The following ZNF254 variants were observed in gnomAD, a reference collection of about 807,000 sequenced individuals.
ZNF254 encodes the protein zinc finger protein 254.
A neutral mutation model predicts 12.4 loss-of-function variants in ZNF254; 10 were observed. The ratio of observed to expected loss-of-function variants is 0.80; its 90% CI spans 0.50 to 1.36. ZNF254 has a LOEUF of 1.36. Among genes scored for constraint, ZNF254 ranks in the 40% most tolerant of loss-of-function variants. ZNF254 has a pLI of 0.00. For synonymous variants in ZNF254, 305 were observed against 253.4 expected, an observed-to-expected ratio of 1.20 and a Z score of -1.93; for missense variants, 996 against 763.9, an observed-to-expected ratio of 1.30 and a Z score of -3.58.
intron 2 of ZNF254, among the ~76,000 whole-genome samples, chr19:24,081,407 C>T (rs1195349997): frequency 1.3e-5 from 2 of 152,170 alleles, no homozygotes; most frequent in Non-Finnish European, 2.9e-5. Context: ...CAGTGGATGA[C>T]AGGGGACACT....
chr19:24,058,582 A>G (rs1052145737), intron 2 of ZNF254, among the ~76,000 whole-genome samples: 1 of 151,788 alleles, frequency 6.6e-6, no homozygotes. Flanking sequence ...TAATTTTTGT[A>G]TTTTTAGTAG....
At chr19:24,044,965 G>C (rs145814910) in intron 1 of ZNF254, among the ~76,000 whole-genome samples, 2 of 152,252 alleles carry the variant, frequency 1.3e-5, no homozygotes, top group East Asian at 3.9e-4. Flanking sequence ...CTCTGAGTCG[G>C]AATAACTTAC....
rs545487288 is a variant in ZNF254 at position 24,071,354 on chromosome 19, C to T, written c.-94+25075C>T. Among the ~76,000 whole-genome samples the T allele has an allele frequency of 2.1e-3, 318 of 152,284 alleles. 2 individuals carry two copies. The highest frequency in any genetic ancestry group is 7.4e-3 in the African/African-American group (308 of 41,564). On this transcript the variant is annotated intron_variant, in intron 2 of 4. Coordinates refer to the ZNF254 transcript ENST00000613065. Reference sequence around the variant, plus strand: ...CAGGAGACATAGTGAATGTCCCTGGCCTACTAAACAAGATGATATGACTAT... The same window carrying T: ...CAGGAGACATAGTGAATGTCCCTGGTCTACTAAACAAGATGATATGACTAT...
At chr19:24,109,119 T>C (rs1407805083) in intron 3 of ZNF254, among the ~76,000 whole-genome samples, 1 of 152,222 alleles carries the variant, frequency 6.6e-6, no homozygotes, top group African/African-American at 2.4e-5. Context: ...CATGCCACTT[T>C]GCTTCTAAAC....
At chr19:24,057,998 A>G (rs931477865) in intron 2 of ZNF254, among the ~76,000 whole-genome samples, 1 of 152,158 alleles carries the variant, frequency 6.6e-6, no homozygotes, top group African/African-American at 2.4e-5. Flanking sequence ...CCAGCCTACA[A>G]ATAGGATTGT....
At chr19:24,098,463 A>G (rs1972799970) in intron 1 of ZNF254, 1 of 152,232 alleles carries the variant, frequency 6.6e-6, no homozygotes, top group African/African-American at 2.4e-5. Context: ...ATATTTCAAT[A>G]TAGATTTTGC....
intron 1 of ZNF254, among the ~76,000 whole-genome samples, chr19:24,103,421 A>C (rs888268885): frequency 6.6e-6 from 1 of 152,198 alleles, no homozygotes; most frequent in Admixed American, 6.5e-5. Flanking sequence ...AAGCTCATTA[A>C]AGCTTGAGTG....
intron 3 of ZNF254, among the ~76,000 whole-genome samples, chr19:24,122,916 C>A (rs1191637265): frequency 6.6e-6 from 1 of 151,042 alleles, no homozygotes; most frequent in Non-Finnish European, 1.5e-5. Context: ...ATACTCATAC[C>A]AAATTGTTTT....
intron 1 of ZNF254, among the ~76,000 whole-genome samples, chr19:24,093,089 T>G (rs1356187621): frequency 2.7e-5 from 4 of 148,688 alleles, no homozygotes; most frequent in Non-Finnish European, 6.0e-5. Context: ...AGCCACATGT[T>G]TGTCTTCTTT....
chr19:24,103,579 C>G (rs1212466533), intron 1 of ZNF254, among the ~76,000 whole-genome samples: 2 of 152,122 alleles, frequency 1.3e-5, no homozygotes, highest in African/African-American at 4.8e-5. Context: ...TCATGTGACT[C>G]TCAGGTGCCA....
In ZNF254 at chr19:24,117,496, G is replaced by A. The variant is rs1005892935; in HGVS notation, c.254-8758G>A. 9.2e-5 allele frequency among the ~76,000 whole-genome samples: 14 copies of A among 152,206 alleles called. 1 individual carries two copies. Among genetic ancestry groups the A allele is most frequent in the Non-Finnish European group, 5.9e-5 (4 of 68,040 alleles). ...ACTCTGTGGGCGTAGGACCCTCCGA[G>A]CCAGGTGCAGGATATAATCTGCTGT... On this transcript the variant is annotated intron_variant, in intron 3 of 3. Coordinates refer to ENST00000357002, the MANE Select transcript of ZNF254 (RefSeq NM_203282.4).
intron 2 of ZNF254, among the ~76,000 whole-genome samples, chr19:24,057,729 C>T (rs898616496): frequency 2.0e-5 from 3 of 152,166 alleles, no homozygotes; most frequent in African/African-American, 7.2e-5. Context: ...ACTTTCAGAC[C>T]AAGATTGAAC....
intron 2 of ZNF254, 35 bp from the exon 3 acceptor site, chr19:24,106,513 A>C: frequency 3.9e-6 from 6 of 1,523,050 alleles, no homozygotes; most frequent in Non-Finnish European, 5.4e-6. Context: ...TGGAGAATAT[A>C]AGCAAGATTC....
At chr19:24,099,648 A>G (rs1014725001) in intron 1 of ZNF254, among the ~76,000 whole-genome samples, 1 of 152,210 alleles carries the variant, frequency 6.6e-6, no homozygotes, top group African/African-American at 2.4e-5. Flanking sequence ...TTGTCATTGA[A>G]TATAACCAGT....
intron 1 of ZNF254, among the ~76,000 whole-genome samples, chr19:24,037,922 CT>C (rs1465862979): frequency 1.3e-5 from 2 of 151,998 alleles, no homozygotes; most frequent in Non-Finnish European, 2.9e-5. Context: ...ATTTTTTGTA[CT>C]TTTAGTAGAG....
intron 1 of ZNF254, among the ~76,000 whole-genome samples, chr19:24,045,408 A>G (rs1266109130): frequency 6.6e-6 from 1 of 151,968 alleles, no homozygotes; most frequent in East Asian, 1.9e-4. Context: ...GGTGGCTCAC[A>G]TCTGTAATCC....
intron 1 of ZNF254, among the ~76,000 whole-genome samples, chr19:24,094,666 A>G (rs183033122): frequency 4.6e-5 from 7 of 151,964 alleles, no homozygotes; most frequent in Non-Finnish European, 5.9e-5. Context: ...GCCAGTTTCC[A>G]AAGAAGAATG....
intron 1 of ZNF254, among the ~76,000 whole-genome samples, chr19:24,097,689 G>A (rs997751364): frequency 1.3e-5 from 2 of 151,992 alleles, no homozygotes; most frequent in African/African-American, 4.8e-5. Flanking sequence ...GCTGAGGCAG[G>A]ATAGTTGCTT....
chr19:24,068,720 A>G (rs1202429366), intron 2 of ZNF254, among the ~76,000 whole-genome samples: 1 of 152,146 alleles, frequency 6.6e-6, no homozygotes, highest in Non-Finnish European at 1.5e-5. Flanking sequence ...ATACCTTTAG[A>G]TGAGACCCAG....
Sources: gnomAD v4.1 joint callset for allele counts (sites outside exome capture counted in the v4.1 genomes callset) on GRCh38, gnomAD v4.1.1 for gene constraint, MANE v1.5 for transcripts, NCBI Gene and HGNC (gene_info 2026-07-23, HGNC 2026-07-21) for gene names.